Variants in GRIK2 observed in about 807,000 individuals in gnomAD.
GRIK2 encodes glutamate receptor ionotropic, kainate 2.
A neutral mutation model predicts 100.3 loss-of-function variants in GRIK2; 32 were observed. The observed-to-expected ratio is 0.32, with a 90% CI of 0.24 to 0.43. The LOEUF (loss-of-function observed/expected upper bound fraction) is 0.43. GRIK2 is among the 20% of genes least tolerant of loss of function. The pLI, the probability that GRIK2 is intolerant of heterozygous loss-of-function variation, is 1.00. For synonymous variants in GRIK2, 417 were observed against 389.4 expected, an observed-to-expected ratio of 1.07 and a Z score of -0.83; for missense variants, 843 against 1,114.9, an observed-to-expected ratio of 0.76 and a Z score of 3.47.
At chr6:101,712,528 GAGAA>G (rs1202748960) in intron 7 of GRIK2, among the ~76,000 whole-genome samples, 1 of 151,788 alleles carries the variant, frequency 6.6e-6, no homozygotes, top group African/African-American at 2.4e-5. Context: ...GTATGAGTCT[GAGAA>G]AGCCAGACTC....
chr6:101,655,660 T>C (rs1782021904), intron 4 of GRIK2, among the ~76,000 whole-genome samples: 1 of 152,196 alleles, frequency 6.6e-6, no homozygotes, highest in African/African-American at 2.4e-5. Context: ...TTATTTTCTT[T>C]TTAAAATGTA....
At chr6:101,950,263 A>C (rs1791527698) in intron 14 of GRIK2, among the ~76,000 whole-genome samples, 1 of 152,122 alleles carries the variant, frequency 6.6e-6, no homozygotes, top group African/African-American at 2.4e-5. Flanking sequence ...TATCAAGATA[A>C]TACTCCTTTT....
At chr6:101,612,895 TAAGAA>T (rs781182810) in intron 2 of GRIK2, among the ~76,000 whole-genome samples, 67 of 151,482 alleles carry the variant, frequency 4.4e-4, no homozygotes, top group Non-Finnish European at 7.2e-4. Context: ...GTGGGAGTGG[TAAGAA>T]AAGAGGTTGG....
intron 2 of GRIK2, among the ~76,000 whole-genome samples, chr6:101,526,297 AC>A (rs1474574476): frequency 6.6e-6 from 1 of 152,176 alleles, no homozygotes; most frequent in Non-Finnish European, 1.5e-5. Context: ...GACTTTTAAA[AC>A]CTGATACTAA....
chr6:101,769,128 G>T (rs1778238984), intron 7 of GRIK2, among the ~76,000 whole-genome samples: 1 of 151,924 alleles, frequency 6.6e-6, no homozygotes, highest in South Asian at 2.1e-4. Context: ...AAAAGTATAA[G>T]AAAATAAAAG....
At position 101,919,314 on chromosome 6, in the gene GRIK2, G is replaced by A. The variant is rs531506426; in HGVS notation, c.1749-5287G>A. On this transcript the variant is annotated intron_variant, in intron 12 of 16. Coordinates refer to ENST00000369134, the MANE Select transcript of GRIK2 (RefSeq NM_021956.5). ...ATGGAAACAAAAGTGCAATGAAGTC[G>A]GTAAGATGAATCAAAGATACATTTT... Among the ~76,000 whole-genome samples the A allele has an allele frequency of 4.5e-4, 69 of 151,728 alleles. 1 individual carries two copies. The highest frequency in any genetic ancestry group is 1.5e-3 in the African/African-American group (63 of 41,452).
intron 4 of GRIK2, among the ~76,000 whole-genome samples, chr6:101,652,281 G>A (rs552239608): frequency 1.4e-3 from 218 of 152,220 alleles, no homozygotes; most frequent in Admixed American, 3.3e-3. Flanking sequence ...CTCATGAATG[G>A]AATTAGTGTC....
intron 14 of GRIK2, among the ~76,000 whole-genome samples, chr6:102,026,068 T>A (rs1006798682): frequency 1.5e-5 from 2 of 135,752 alleles, no homozygotes; most frequent in Admixed American, 7.8e-5. Flanking sequence ...CCTTAAAAAA[T>A]TAAGAATTAT....
In GRIK2 at chr6:101,823,472, A is replaced by T. The variant is rs148524874; in HGVS notation, c.1317+4989A>T. On this transcript the variant is annotated intron_variant, in intron 10 of 16. Coordinates refer to ENST00000369134, the MANE Select transcript of GRIK2 (RefSeq NM_021956.5). ...TTATGCCCTAATTTTATTGTTTGTG[A>T]TTTTCCATATTGCCTCTTTCATCTT... Among the ~76,000 whole-genome samples, 921 of 151,780 alleles carry T rather than the reference A, an allele frequency of 6.1e-3. 20 individuals carry two copies. Among genetic ancestry groups the T allele is most frequent in the Non-Finnish European group, 4.5e-3 (309 of 67,968 alleles).
chr6:101,733,746 A>C (rs1398024159), intron 7 of GRIK2, among the ~76,000 whole-genome samples: 1 of 124,746 alleles, frequency 8.0e-6, no homozygotes, highest in Non-Finnish European at 1.6e-5. Context: ...TTTTATTATA[A>C]GCAGTCAGGA....
chr6:102,063,395 A>C (rs1771851052), intron 16 of GRIK2, among the ~76,000 whole-genome samples: 1 of 150,822 alleles, frequency 6.6e-6, no homozygotes, highest in Non-Finnish European at 1.5e-5. Context: ...ACCAATGAAT[A>C]CATATATTCA....
intron 11 of GRIK2, among the ~76,000 whole-genome samples, chr6:101,887,163 A>G (rs1786704935): frequency 6.6e-6 from 1 of 152,008 alleles, no homozygotes; most frequent in African/African-American, 2.4e-5. Flanking sequence ...ATTTTTTAAT[A>G]TTCTATATAA....
chr6:101,524,202 G>A (rs1327544327), intron 2 of GRIK2, among the ~76,000 whole-genome samples: 1 of 152,138 alleles, frequency 6.6e-6, no homozygotes, highest in Non-Finnish European at 1.5e-5. Context: ...TGTTGAGAAA[G>A]GGTGTCATAA....
At chr6:101,762,057 C>T (rs919991182) in intron 7 of GRIK2, among the ~76,000 whole-genome samples, 6 of 133,086 alleles carry the variant, frequency 4.5e-5, no homozygotes, top group African/African-American at 1.8e-4. Flanking sequence ...TTCCTTCCTT[C>T]CCTTCCTTTC....
intron 2 of GRIK2, among the ~76,000 whole-genome samples, chr6:101,545,063 C>T (rs1316895828): frequency 1.3e-5 from 2 of 152,128 alleles, no homozygotes; most frequent in African/African-American, 4.8e-5. Flanking sequence ...CTTTGCCATT[C>T]TTTCCTTCTT....
intron 4 of GRIK2, among the ~76,000 whole-genome samples, chr6:101,641,669 G>A (rs1047822907): frequency 7.9e-5 from 12 of 151,862 alleles, no homozygotes; most frequent in African/African-American, 1.9e-4. Flanking sequence ...AAATAACCTA[G>A]CAAAGATACT....
At chr6:101,910,657 C>A (rs960215243) in intron 12 of GRIK2, among the ~76,000 whole-genome samples, 18 of 151,162 alleles carry the variant, frequency 1.2e-4, no homozygotes, top group Non-Finnish European at 2.2e-4. Context: ...GGTGTATTCT[C>A]TGTTTTTTAT....
At chr6:101,495,423 G>A (rs184257885) in intron 2 of GRIK2, among the ~76,000 whole-genome samples, 20 of 152,112 alleles carry the variant, frequency 1.3e-4, no homozygotes, top group African/African-American at 3.4e-4. Context: ...GGAGAATGGC[G>A]TGAACCAGGG....
intron 15 of GRIK2, among the ~76,000 whole-genome samples, chr6:102,044,426 G>A (rs1383998800): frequency 6.6e-6 from 1 of 152,046 alleles, no homozygotes; most frequent in African/African-American, 2.4e-5. Flanking sequence ...ATAAAAAGAG[G>A]TTTAATTGGA....
Sources: allele counts gnomAD v4.1 joint callset (sites outside exome capture counted in the v4.1 genomes callset), GRCh38; gene constraint gnomAD v4.1.1; transcripts MANE v1.5; gene names NCBI Gene and HGNC (gene_info 2026-07-23, HGNC 2026-07-21).